The following ABCB1 variants were observed in gnomAD, a reference collection of about 807,000 sequenced individuals.
ABCB1 encodes the protein ATP-dependent translocase ABCB1.
A neutral mutation model predicts 142.0 loss-of-function variants in ABCB1; 69 were observed. The observed-to-expected ratio is 0.49, with a 90% CI of 0.40 to 0.59. The LOEUF (loss-of-function observed/expected upper bound fraction) is 0.59. ABCB1 is among the 20% of genes least tolerant of loss of function. ABCB1 has a pLI of 0.00. For synonymous variants in ABCB1, 532 were observed against 539.2 expected (o/e 0.99, Z 0.18); for missense variants, 1,326 against 1,554.7 (o/e 0.85, Z 2.47).
At position 87,595,963 on chromosome 7, in the gene ABCB1, G is replaced by A. The variant is rs184655391; in HGVS notation, c.69-149C>T. On this transcript the variant is annotated intron_variant, in intron 2 of 27. Transcript: ENST00000622132. ...TTAAAAAACAGGATGATAATAGTAT[G>A]ACCCCATTTATAATGTTTAAATATG... 33 of 652,562 alleles carry A rather than the reference G, an allele frequency of 5.1e-5. 2 individuals are homozygous for A. In the African/African-American group the frequency reaches 5.3e-4, roughly 10 times the overall value. The allele number at this position is 652,562 out of a possible 1,614,324, so 40.4% of individuals were successfully genotyped here. A position where few individuals can be genotyped will look rare whatever the true frequency, so the allele number is the denominator to read the frequency against.
rs117131492 is a variant in ABCB1, at chr7:87,711,265, G to A, written c.-331+1896C>T. ...AGTTTGAACCCAGGAGGCAGAGGTT[G>A]TGGAGAGCCGAGATTGAGCCATTGC... On this transcript the variant is annotated intron_variant, in intron 1 of 28. Coordinates refer to the ABCB1 transcript ENST00000265724. Among the ~76,000 whole-genome samples the A allele has an allele frequency of 6.1e-4, 93 of 151,998 alleles. No homozygotes were observed. In the East Asian group the frequency reaches 0.017, roughly 28 times the overall value.
At chr7:87,584,873 C>T (rs1037782681) in intron 4 of ABCB1, among the ~76,000 whole-genome samples, 11 of 152,038 alleles carry the variant, frequency 7.2e-5, no homozygotes, top group Non-Finnish European at 5.9e-5. Flanking sequence ...ATTCAAACAT[C>T]ACTTTCTCCT....
At position 87,612,055 on chromosome 7, in the gene ABCB1, T is replaced by C. The variant is rs1042527556; in HGVS notation, c.-330-10977A>G. 5.9e-5 allele frequency among the ~76,000 whole-genome samples: 9 copies of C among 152,192 alleles called. No individual in the cohort carries two copies. In the East Asian group the frequency reaches 1.7e-3, roughly 29 times the overall value. ...TCCCACTGAATCTTGGCACAGGTAG[T>C]ATTATGATTATCTTCATTTTAAAGA... On this transcript the variant is annotated intron_variant, in intron 1 of 28. Transcript: ENST00000265724.
At chr7:87,508,112 T>A (rs1563025831) in intron 26 of ABCB1, among the ~76,000 whole-genome samples, 1 of 152,152 alleles carries the variant, frequency 6.6e-6, no homozygotes, top group Non-Finnish European at 1.5e-5. Context: ...AATAAACCTG[T>A]ACATGTACCC....
intron 1 of ABCB1, among the ~76,000 whole-genome samples, chr7:87,642,065 G>A (rs1822515341): frequency 6.6e-6 from 1 of 151,608 alleles, no homozygotes; most frequent in African/African-American, 2.4e-5. Context: ...ATTAGATTCA[G>A]CCTTCATCAC....
At chr7:87,651,468 G>A (rs985788532) in intron 1 of ABCB1, among the ~76,000 whole-genome samples, 1 of 151,956 alleles carries the variant, frequency 6.6e-6, no homozygotes, top group Non-Finnish European at 1.5e-5. Context: ...CTGAATTTTA[G>A]ATTCTTTAAA....
chr7:87,553,525 T>C (rs1205481889), intron 9 of ABCB1, among the ~76,000 whole-genome samples: 2 of 152,092 alleles, frequency 1.3e-5, no homozygotes, highest in African/African-American at 4.8e-5. Context: ...TTTCACCATG[T>C]TAGCCAGGAT....
intron 1 of ABCB1, among the ~76,000 whole-genome samples, chr7:87,653,860 GAGT>G (rs964242606): frequency 3.9e-5 from 6 of 152,030 alleles, no homozygotes; most frequent in Admixed American, 2.6e-4. Context: ...TCTCAGAGCT[GAGT>G]AAAGTGCTTC....
At chr7:87,564,266 T>C (rs940837839) in intron 7 of ABCB1, 3 of 342,906 alleles carry the variant, frequency 8.7e-6, no homozygotes, top group South Asian at 7.4e-5. Flanking sequence ...TTTTGTGAGC[T>C]GTGGTTCCAG....
At chr7:87,697,367 C>T (rs1409747153) in intron 1 of ABCB1, among the ~76,000 whole-genome samples, 1 of 152,090 alleles carries the variant, frequency 6.6e-6, no homozygotes, top group African/African-American at 2.4e-5. Flanking sequence ...GTGTGTAGTA[C>T]TTCATTTCTT....
At chr7:87,504,786 CAG>C (rs1200386917) in intron 27 of ABCB1, among the ~76,000 whole-genome samples, 2 of 142,908 alleles carry the variant, frequency 1.4e-5, no homozygotes, top group Non-Finnish European at 3.0e-5. Flanking sequence ...GCCTGGGCGA[CAG>C]AGCGAGACTC....
At chr7:87,638,270 C>T (rs1332404857) in intron 1 of ABCB1, among the ~76,000 whole-genome samples, 2 of 150,664 alleles carry the variant, frequency 1.3e-5, no homozygotes, top group African/African-American at 4.9e-5. Context: ...TGTGATTGTC[C>T]TTTCTTATAA....
At chr7:87,525,442 A>G (rs1815740695) in intron 21 of ABCB1, among the ~76,000 whole-genome samples, 1 of 152,098 alleles carries the variant, frequency 6.6e-6, no homozygotes, top group Non-Finnish European at 1.5e-5. Flanking sequence ...ATTCACATAT[A>G]ACTTCTGACT....
chr7:87,519,046 A>G (rs1471407279), intron 23 of ABCB1: 2 of 489,340 alleles, frequency 4.1e-6, no homozygotes, highest in Admixed American at 6.9e-5. Context: ...CCAAATGCCA[A>G]GGCCTTCTCA....
intron 1 of ABCB1, chr7:87,628,589 GTGTGTGTGT>G: frequency 2.9e-5 from 1 of 34,456 alleles, no homozygotes; most frequent in Non-Finnish European, 5.1e-5. Flanking sequence ...GCGTGCGTGT[GTGTGTGTGT>G]GTGTGTGTGT....
At chr7:87,638,839 C>G (rs961339622) in intron 1 of ABCB1, among the ~76,000 whole-genome samples, 1 of 152,008 alleles carries the variant, frequency 6.6e-6, no homozygotes, top group African/African-American at 2.4e-5. Context: ...TTTTCTCTGT[C>G]GACTCCTCAG....
At chr7:87,632,840 G>A (rs747617203) in intron 1 of ABCB1, among the ~76,000 whole-genome samples, 7 of 152,024 alleles carry the variant, frequency 4.6e-5, no homozygotes, top group Non-Finnish European at 1.0e-4. Flanking sequence ...ATTAAAATAT[G>A]CACATATAAA....
chr7:87,529,009 G>T (rs1317253326), intron 21 of ABCB1, among the ~76,000 whole-genome samples: 5 of 152,194 alleles, frequency 3.3e-5, no homozygotes, highest in Non-Finnish European at 7.4e-5. Context: ...GGTAATCCAT[G>T]ATAAAAGATT....
chr7:87,559,175 T>A (rs1025825438), intron 8 of ABCB1, among the ~76,000 whole-genome samples: 3 of 152,092 alleles, frequency 2.0e-5, no homozygotes, highest in African/African-American at 7.2e-5. Flanking sequence ...GTGGTAGAAC[T>A]TGCCTACAAA....
Sources: allele counts gnomAD v4.1 joint callset (sites outside exome capture counted in the v4.1 genomes callset), GRCh38; gene constraint gnomAD v4.1.1; transcripts MANE v1.5; gene names NCBI Gene and HGNC (gene_info 2026-07-23, HGNC 2026-07-21).